Variants in GABRG3 observed in about 807,000 individuals in gnomAD.
The protein encoded by GABRG3 is gamma-aminobutyric acid type A receptor subunit gamma3.
In GABRG3, 25 loss-of-function variants were observed where a neutral mutation model predicts 48.8. That is an observed-to-expected ratio of 0.51 (90% CI 0.37 to 0.72). The LOEUF is 0.72. GABRG3 is among the 30% of genes least tolerant of loss of function. The probability of loss-of-function intolerance (pLI) is 0.00; values close to 1 mark genes in which losing one functional copy is unlikely to be tolerated. For missense variants in GABRG3, 394 were observed against 577.9 expected (o/e 0.68, Z 3.26); for synonymous variants, 227 against 217.6 (o/e 1.04, Z -0.38).
chr15:27,408,812 C>T (rs1024808353), intron 5 of GABRG3, among the ~76,000 whole-genome samples: 3 of 152,170 alleles, frequency 2.0e-5, no homozygotes, highest in Non-Finnish European at 4.4e-5. Context: ...GAAACTGGAC[C>T]CATTGCCTTC....
rs201816465 is a variant in GABRG3 at position 27,317,678 on chromosome 15, G to A, written c.271-9131G>A. On this transcript the variant is annotated intron_variant, in intron 3 of 9. Coordinates refer to ENST00000615808, the MANE Select transcript of GABRG3 (RefSeq NM_033223.5). ...TGTGATTTAACTTGGGATGGTCACC[G>A]ACTGTGACCAACTTCACGCTGGTGA... Among the ~76,000 whole-genome samples, 19 of 152,300 alleles carry A rather than the reference G, an allele frequency of 1.2e-4. No homozygotes were observed. In the East Asian group the frequency reaches 3.7e-3, roughly 29 times the overall value.
rs546129772 is a variant in GABRG3 at position 27,028,111 on chromosome 15, G to A, written c.270+1290G>A. On this transcript the variant is annotated intron_variant, in intron 3 of 9. Coordinates refer to ENST00000615808, the MANE Select transcript of GABRG3 (RefSeq NM_033223.5). ...GTTAGGCTTTGTTATTGGAATAGAC[G>A]GGAATTTTCATGTGGAAATCACGGG... Among the ~76,000 whole-genome samples, 17 of 152,286 alleles carry A rather than the reference G, an allele frequency of 1.1e-4. No individual in the cohort carries two copies. The South Asian group carries it at 3.5e-3, about 32-fold the overall frequency.
chr15:27,204,988 A>G (rs1888806992), intron 3 of GABRG3, among the ~76,000 whole-genome samples: 1 of 151,850 alleles, frequency 6.6e-6, no homozygotes, highest in Non-Finnish European at 1.5e-5. Flanking sequence ...AGTCTGTGAA[A>G]ATGATAGTTC....
intron 5 of GABRG3, among the ~76,000 whole-genome samples, chr15:27,351,923 TTG>T (rs970445730): frequency 2.8e-5 from 4 of 143,988 alleles, no homozygotes; most frequent in African/African-American, 1.0e-4. Context: ...GTGTGTGTGT[TTG>T]TGTGTGTATG....
intron 5 of GABRG3, among the ~76,000 whole-genome samples, chr15:27,397,624 T>C (rs2140583248): frequency 6.6e-6 from 1 of 152,266 alleles, no homozygotes; most frequent in South Asian, 2.1e-4. Flanking sequence ...CCTCTGCTCG[T>C]CTATGGTTTG....
intron 3 of GABRG3, among the ~76,000 whole-genome samples, chr15:27,204,052 T>C (rs990656839): frequency 1.3e-5 from 2 of 152,184 alleles, no homozygotes; most frequent in Non-Finnish European, 2.9e-5. Context: ...ACTCTTTAGT[T>C]TAATTAAGTC....
chr15:27,011,285 T>C (rs1444097376), intron 2 of GABRG3, among the ~76,000 whole-genome samples: 1 of 152,222 alleles, frequency 6.6e-6, no homozygotes, highest in Non-Finnish European at 1.5e-5. Context: ...GTGTACAACT[T>C]TGACACTTTC....
intron 3 of GABRG3, among the ~76,000 whole-genome samples, chr15:27,070,811 T>C (rs1323872822): frequency 6.6e-6 from 1 of 152,210 alleles, no homozygotes; most frequent in Non-Finnish European, 1.5e-5. Flanking sequence ...CAGTGATGGA[T>C]GGTCACATCT....
chr15:27,396,757 TAAAC>T (rs1382292916), intron 5 of GABRG3, among the ~76,000 whole-genome samples: 1 of 152,300 alleles, frequency 6.6e-6, no homozygotes, highest in Non-Finnish European at 1.5e-5. Flanking sequence ...GATTAATTGA[TAAAC>T]AAACTGCTGT....
At position 27,336,594 on chromosome 15, in the gene GABRG3, A is replaced by G. The variant is rs183736843; in HGVS notation, c.574+7706A>G. Reference sequence around the variant, plus strand: ...GGTGGGAATGTAGAATGACACAGAAAATAGTACAGAAGTGTCTTATAAAAC... The same window carrying G: ...GGTGGGAATGTAGAATGACACAGAAGATAGTACAGAAGTGTCTTATAAAAC... On this transcript the variant is annotated intron_variant, in intron 5 of 9. Transcript: ENST00000615808. 7.2e-5 allele frequency among the ~76,000 whole-genome samples: 11 copies of G among 152,352 alleles called. No individual in the cohort carries two copies. In the East Asian group the frequency reaches 1.4e-3, roughly 19 times the overall value.
intron 3 of GABRG3, among the ~76,000 whole-genome samples, chr15:27,303,933 T>G (rs1316043374): frequency 6.6e-6 from 1 of 151,808 alleles, no homozygotes; most frequent in Non-Finnish European, 1.5e-5. Context: ...ACTAGTTCAG[T>G]ACTCTGAAAA....
At chr15:27,176,725 A>G (rs1351955063) in intron 3 of GABRG3, among the ~76,000 whole-genome samples, 1 of 152,206 alleles carries the variant, frequency 6.6e-6, no homozygotes, top group East Asian at 1.9e-4. Flanking sequence ...ATCACAGGAC[A>G]GTAGCATTGA....
intron 2 of GABRG3, among the ~76,000 whole-genome samples, chr15:27,000,109 C>T (rs978830386): frequency 6.6e-5 from 10 of 152,128 alleles, no homozygotes; most frequent in African/African-American, 2.4e-4. Flanking sequence ...CTAATTCTAG[C>T]ATTTGTATCA....
At chr15:27,351,055 TGTG>T (rs376698089) in intron 5 of GABRG3, among the ~76,000 whole-genome samples, 2,691 of 125,980 alleles carry the variant, frequency 0.021, 93 homozygotes, top group African/African-American at 0.086. Context: ...GTGCATATGG[TGTG>T]TGTGTGTGTA....
In GABRG3 at chr15:27,176,297, G is replaced by GT. The variant is rs534091794; in HGVS notation, c.270+149478dup. Among the ~76,000 whole-genome samples, 7 of 152,318 alleles carry GT rather than the reference G, an allele frequency of 4.6e-5. No individual in the cohort carries two copies. The South Asian group carries it at 1.2e-3, about 27-fold the overall frequency. On this transcript the variant is annotated intron_variant, in intron 3 of 9. Transcript: ENST00000615808. The stretch of plus-strand genomic sequence containing the variant: ...ATGCTCCCACAAAGCACTAGTGCAA[G>GT]TTGAGTGCTGTAGGGGCTATTGTGC...
intron 3 of GABRG3, among the ~76,000 whole-genome samples, chr15:27,311,573 A>C (rs577621752): frequency 3.9e-5 from 6 of 152,206 alleles, no homozygotes; most frequent in African/African-American, 1.4e-4. Flanking sequence ...GCTAAAAACC[A>C]AAACAAAACA....
intron 5 of GABRG3, among the ~76,000 whole-genome samples, chr15:27,356,239 G>A (rs1894834670): frequency 6.6e-6 from 1 of 151,930 alleles, no homozygotes; most frequent in African/African-American, 2.4e-5. Context: ...CCACCTGGAA[G>A]AAAAAACAAA....
intron 5 of GABRG3, among the ~76,000 whole-genome samples, chr15:27,329,356 C>T (rs183666641): frequency 2.3e-4 from 35 of 152,236 alleles, no homozygotes; most frequent in East Asian, 1.7e-3. Context: ...CTCTGCCTCC[C>T]GGGATTCAAG....
intron 5 of GABRG3, among the ~76,000 whole-genome samples, chr15:27,375,589 G>C (rs1287657057): frequency 6.6e-6 from 1 of 152,196 alleles, no homozygotes; most frequent in African/African-American, 2.4e-5. Context: ...GGCTGGGGAG[G>C]CTTCACGATT....
Sources: gnomAD v4.1 joint callset for allele counts (sites outside exome capture counted in the v4.1 genomes callset) on GRCh38, gnomAD v4.1.1 for gene constraint, MANE v1.5 for transcripts, NCBI Gene and HGNC (gene_info 2026-07-23, HGNC 2026-07-21) for gene names.